Variants in TMEM178B observed in about 807,000 individuals in gnomAD.
TMEM178B encodes the protein transmembrane protein 178B.
Under a neutral mutation model 31.0 loss-of-function variants are expected in TMEM178B, and 5 were observed. The observed-to-expected ratio is 0.16, with a 90% CI of 0.08 to 0.34. TMEM178B has a LOEUF of 0.34. TMEM178B is among the 10% of genes least tolerant of loss of function. The pLI is 1.00. For synonymous variants in TMEM178B, 164 were observed against 164.0 expected, an observed-to-expected ratio of 1.00 and a Z score of 0.00; for missense variants, 275 against 400.3, an observed-to-expected ratio of 0.69 and a Z score of 2.67.
intron 1 of TMEM178B, among the ~76,000 whole-genome samples, chr7:141,090,081 T>C (rs558830015): frequency 5.3e-5 from 8 of 152,300 alleles, no homozygotes; most frequent in Middle Eastern, 3.4e-3. Flanking sequence ...TTTCCCAGAC[T>C]CTTCCTCTCA....
At chr7:141,503,203 A>G in the TMEM178B span, among the ~76,000 whole-genome samples, 2 of 152,266 alleles carry the variant, frequency 1.3e-5, no homozygotes, top group Admixed American at 1.3e-4. Flanking sequence ...ATACTAAGCC[A>G]GGAAGATTCA....
intron 2 of TMEM178B, among the ~76,000 whole-genome samples, chr7:141,278,305 G>A (rs1798299174): frequency 6.6e-6 from 1 of 152,214 alleles, no homozygotes; most frequent in African/African-American, 2.4e-5. Context: ...TGCAGGGCTG[G>A]GCACGGTGGC....
chr7:141,269,470 C>T (rs1359863284), intron 2 of TMEM178B, among the ~76,000 whole-genome samples: 1 of 152,172 alleles, frequency 6.6e-6, no homozygotes, highest in Admixed American at 6.5e-5. Flanking sequence ...AGACTTTATT[C>T]ACATGCTTAA....
chr7:141,081,451 A>G (rs1794683339), intron 1 of TMEM178B, among the ~76,000 whole-genome samples: 1 of 152,170 alleles, frequency 6.6e-6, no homozygotes, highest in African/African-American at 2.4e-5. Flanking sequence ...CCTGGCCAAC[A>G]TGGTGAAACC....
At chr7:141,482,509 G>T (rs987888262), downstream of TMEM178B, among the ~76,000 whole-genome samples, 1 of 152,172 alleles carries the variant, frequency 6.6e-6, no homozygotes, top group African/African-American at 2.4e-5. Context: ...AGCAGTAAGT[G>T]CTCAACAGGT....
chr7:141,354,299 A>G (rs1379382471), intron 2 of TMEM178B, among the ~76,000 whole-genome samples: 1 of 152,242 alleles, frequency 6.6e-6, no homozygotes, highest in Non-Finnish European at 1.5e-5. Context: ...AGAATAAGAT[A>G]TCCTCAAAGA....
intron 1 of TMEM178B, among the ~76,000 whole-genome samples, chr7:141,196,242 CTGGTTTTTACTCTTTTTTTGGATATT>C (rs1336365898): frequency 3.3e-5 from 5 of 152,062 alleles, no homozygotes; most frequent in Admixed American, 3.3e-4. Context: ...CCACTTTTTT[CTGGTTTTTACTCTTTTTTTGGATATT>C]TGGTTTTCAC....
chr7:141,096,927 A>G (rs1475136018), intron 1 of TMEM178B, among the ~76,000 whole-genome samples: 1 of 152,038 alleles, frequency 6.6e-6, no homozygotes, highest in African/African-American at 2.4e-5. Flanking sequence ...ATCTCTACAA[A>G]AAATTTTAAA....
intron 1 of TMEM178B, among the ~76,000 whole-genome samples, chr7:141,094,224 G>A (rs1794923162): frequency 2.0e-5 from 3 of 152,128 alleles, no homozygotes; most frequent in African/African-American, 7.2e-5. Flanking sequence ...AGAAACACAT[G>A]TTTTAGGTGA....
chr7:141,262,265 C>T (rs1021020612), intron 2 of TMEM178B, among the ~76,000 whole-genome samples: 13 of 152,176 alleles, frequency 8.5e-5, no homozygotes, highest in African/African-American at 3.1e-4. Context: ...TGAGTGGAAT[C>T]TATAGAAAAT....
chr7:141,387,474 A>G (rs1272535614), intron 2 of TMEM178B, among the ~76,000 whole-genome samples: 8 of 152,148 alleles, frequency 5.3e-5, no homozygotes, highest in Admixed American at 1.3e-4. Context: ...TCCATATTTT[A>G]TATCCAGTTA....
At chr7:141,283,937 G>A (rs1192600489) in intron 2 of TMEM178B, among the ~76,000 whole-genome samples, 1 of 152,212 alleles carries the variant, frequency 6.6e-6, no homozygotes, top group Non-Finnish European at 1.5e-5. Context: ...AGTGGCAATT[G>A]TTGATTTATT....
At chr7:141,496,467 G>A in the TMEM178B span, among the ~76,000 whole-genome samples, 7 of 151,758 alleles carry the variant, frequency 4.6e-5, no homozygotes, top group Non-Finnish European at 8.8e-5. Flanking sequence ...TCAGGAGATC[G>A]AGACCATCCC....
downstream of TMEM178B, among the ~76,000 whole-genome samples, chr7:141,482,733 A>G (rs991749118): frequency 5.9e-5 from 9 of 152,208 alleles, no homozygotes; most frequent in Non-Finnish European, 1.2e-4. Context: ...GCAAAGGTAA[A>G]GGACACATAG....
At chr7:141,423,020 C>T (rs1801242721) in intron 2 of TMEM178B, among the ~76,000 whole-genome samples, 1 of 152,138 alleles carries the variant, frequency 6.6e-6, no homozygotes, top group Non-Finnish European at 1.5e-5. Flanking sequence ...CAAAAAGAAA[C>T]AGGTAAAATT....
At chr7:141,201,388 G>T (rs1796875399) in intron 1 of TMEM178B, among the ~76,000 whole-genome samples, 1 of 152,174 alleles carries the variant, frequency 6.6e-6, no homozygotes, top group Non-Finnish European at 1.5e-5. Flanking sequence ...CTGTGTGGTT[G>T]GGGGAGCCGG....
At chr7:141,377,366 C>T (rs972812269) in intron 2 of TMEM178B, among the ~76,000 whole-genome samples, 2 of 151,714 alleles carry the variant, frequency 1.3e-5, no homozygotes, top group African/African-American at 4.8e-5. Context: ...GTATTTTTAG[C>T]AGGGACGGGG....
At chr7:141,424,629 A>C (rs1424177891) in intron 2 of TMEM178B, among the ~76,000 whole-genome samples, 1 of 152,150 alleles carries the variant, frequency 6.6e-6, no homozygotes. Context: ...ACACATCCTT[A>C]TTGTAGAAAA....
At chr7:141,088,113 T>A (rs570251317) in intron 1 of TMEM178B, among the ~76,000 whole-genome samples, 1 of 152,256 alleles carries the variant, frequency 6.6e-6, no homozygotes, top group South Asian at 2.1e-4. Context: ...TTGCACTTCA[T>A]GAGGTGAATG....
Sources: gnomAD v4.1 joint callset for allele counts (sites outside exome capture counted in the v4.1 genomes callset) on GRCh38, gnomAD v4.1.1 for gene constraint, MANE v1.5 for transcripts, NCBI Gene and HGNC (gene_info 2026-07-23, HGNC 2026-07-21) for gene names.